The following MSH4 variants were observed in gnomAD, a reference collection of about 807,000 sequenced individuals.
The protein encoded by MSH4 is mutS homolog 4.
A neutral mutation model predicts 113.7 loss-of-function variants in MSH4; 106 were observed. That is an observed-to-expected ratio of 0.93 (90% confidence interval 0.80 to 1.10). The LOEUF is 1.10. Among genes scored for constraint, MSH4 ranks in the 50% least tolerant of loss-of-function variants. MSH4 has a pLI of 0.00. For synonymous variants in MSH4, 368 were observed against 380.2 expected (o/e 0.97, Z 0.37); for missense variants, 1,061 against 1,093.7 (o/e 0.97, Z 0.42).
In MSH4 at chr1:75,838,606, CTT is replaced by C. The variant is rs773122283; in HGVS notation, c.1163-9600_1163-9599del. Among the ~76,000 whole-genome samples the C allele has an allele frequency of 6.6e-5, 10 of 152,250 alleles. No homozygotes were observed. The East Asian group carries it at 9.6e-4, about 15-fold the overall frequency. On this transcript the variant is annotated intron_variant, in intron 7 of 19. Transcript: ENST00000263187. ...CACAACTTTTAGATTAAAATGCAAA[CTT>C]TTCTATATAGCTGTTTTCCTGTAAT...
intron 19 of MSH4, among the ~76,000 whole-genome samples, chr1:75,911,917 A>G (rs958729226): frequency 1.3e-5 from 2 of 152,050 alleles, no homozygotes; most frequent in African/African-American, 4.8e-5. Flanking sequence ...AAAAATGCTG[A>G]TTTCTCTATC....
chr1:75,896,935 T>G (rs5745534), intron 17 of MSH4, among the ~76,000 whole-genome samples: 2,145 of 152,276 alleles, frequency 0.014, 50 homozygotes, highest in African/African-American at 0.048. Flanking sequence ...TTTGATTTGT[T>G]GAGTAGGTAT....
intron 12 of MSH4, 100 bp from the exon 13 acceptor site, chr1:75,879,950 A>G (rs1335271513): frequency 1.5e-6 from 1 of 645,290 alleles, no homozygotes; most frequent in Non-Finnish European, 2.7e-6. Context: ...CTCAAAGAGT[A>G]AAATGATTAA....
At chr1:75,799,809 T>G (rs1649896306) in intron 1 of MSH4, among the ~76,000 whole-genome samples, 1 of 152,122 alleles carries the variant, frequency 6.6e-6, no homozygotes, top group Non-Finnish European at 1.5e-5. Flanking sequence ...GGTAGTAGTA[T>G]TTTCTGATTC....
At chr1:75,801,019 G>A (rs1326876388) in intron 1 of MSH4, among the ~76,000 whole-genome samples, 1 of 152,146 alleles carries the variant, frequency 6.6e-6, no homozygotes, top group African/African-American at 2.4e-5. Flanking sequence ...AACAATGCAG[G>A]TATAGAGCTG....
chr1:75,825,298 T>G (rs1379403257), intron 7 of MSH4, among the ~76,000 whole-genome samples: 1 of 152,172 alleles, frequency 6.6e-6, no homozygotes, highest in African/African-American at 2.4e-5. Context: ...GCTTGTGATT[T>G]TTGCACATTA....
intron 9 of MSH4, among the ~76,000 whole-genome samples, chr1:75,875,568 C>T (rs1435520045): frequency 1.3e-5 from 2 of 152,250 alleles, no homozygotes; most frequent in East Asian, 3.9e-4. Flanking sequence ...AAAATGCCTC[C>T]GTATCCTTAG....
In MSH4 at chr1:75,803,932, T is replaced by G. The variant is rs756674737; in HGVS notation, c.427+19T>G. The G allele has an allele frequency of 6.9e-7, 1 of 1,442,764 alleles. No homozygotes were observed. The highest frequency in any genetic ancestry group is 9.2e-7 in the Non-Finnish European group (1 of 1,090,186). 89.4% of individuals were successfully genotyped at this position (1,442,764 alleles called of 1,614,324 possible). A position where few individuals can be genotyped will look rare whatever the true frequency, so the allele number is the denominator to read the frequency against. ...TATTCAGGTAAAATAAGTGGAAGAT[T>G]AACCTAGATGATGTTTTGAAACTTA... On this transcript the variant is annotated intron_variant, in intron 2 of 19. Transcript: ENST00000263187.
intron 7 of MSH4, 27 bp from the exon 8 acceptor site, chr1:75,848,182 A>G (rs1651114813): frequency 2.0e-6 from 3 of 1,482,384 alleles, no homozygotes; most frequent in Non-Finnish European, 1.9e-6. Context: ...TAAAGTTTAA[A>G]TACTCACATT....
intron 18 of MSH4, among the ~76,000 whole-genome samples, chr1:75,898,490 A>C (rs1652432465): frequency 6.6e-6 from 1 of 151,104 alleles, no homozygotes; most frequent in African/African-American, 2.4e-5. Context: ...AAAATCTTAA[A>C]TCTTAAAAGA....
intron 19 of MSH4, among the ~76,000 whole-genome samples, chr1:75,904,521 C>CT (rs113449051): frequency 0.42 from 62,582 of 147,964 alleles, 13,417 homozygotes; most frequent in African/African-American, 0.49. Flanking sequence ...CTTTTTCTTT[C>CT]TTTTTTTTTT....
chr1:75,884,416 G>T (rs1214367326), intron 15 of MSH4, among the ~76,000 whole-genome samples: 1 of 152,038 alleles, frequency 6.6e-6, no homozygotes, highest in Non-Finnish European at 1.5e-5. Flanking sequence ...GTTTCCTTGA[G>T]AACTATATGA....
chr1:75,852,977 T>C (rs566676272), intron 8 of MSH4, among the ~76,000 whole-genome samples: 1 of 152,212 alleles, frequency 6.6e-6, no homozygotes, highest in South Asian at 2.1e-4. Flanking sequence ...AAAATTATTA[T>C]GAAAATTATT....
chr1:75,882,870 G>A (rs5745481), intron 14 of MSH4, among the ~76,000 whole-genome samples: 3 of 151,884 alleles, frequency 2.0e-5, no homozygotes, highest in African/African-American at 4.8e-5. Flanking sequence ...AATGCTAAGC[G>A]TACCAAATTT....
chr1:75,826,750 T>G (rs1650563594), intron 7 of MSH4, among the ~76,000 whole-genome samples: 1 of 152,216 alleles, frequency 6.6e-6, no homozygotes, highest in South Asian at 2.1e-4. Context: ...GGTTGTTTAC[T>G]TTCCATGCAG....
chr1:75,887,149 T>G (rs2100579863), intron 15 of MSH4, among the ~76,000 whole-genome samples: 1 of 152,112 alleles, frequency 6.6e-6, no homozygotes, highest in East Asian at 1.9e-4. Flanking sequence ...TAATCCCACG[T>G]GTCAAGGGAG....
In MSH4 at chr1:75,816,379, C is replaced by G; in HGVS notation, c.822C>G (p.Tyr274Ter). The G allele has an allele frequency of 6.3e-7, 1 of 1,597,502 alleles. No individual in the cohort carries two copies. Among genetic ancestry groups the G allele is most frequent in the Non-Finnish European group, 8.5e-7 (1 of 1,170,012 alleles). The change falls in exon 6 of 20, where the codon TAC becomes TAG. Residue 274 changes from tyrosine (Y) to a stop codon, truncating the protein, a stop_gained. Coordinates refer to ENST00000263187, the MANE Select transcript of MSH4 (RefSeq NM_002440.4). LOFTEE classifies it high-confidence loss of function. ...TVLMEVQSKYYCLAAVAALLK... is the reference protein window; with the variant it reads ...TVLMEVQSKY Reference sequence around the variant, plus strand: ...ATTATTGGTCATCTTTTAGGTATTACTGCCTTGCAGCTGTTGCAGCTTTGT... The same window carrying G: ...ATTATTGGTCATCTTTTAGGTATTAGTGCCTTGCAGCTGTTGCAGCTTTGT...
chr1:75,907,899 G>A (rs553336674), intron 19 of MSH4, among the ~76,000 whole-genome samples: 3 of 149,556 alleles, frequency 2.0e-5, no homozygotes, highest in African/African-American at 4.9e-5. Context: ...TTAGTGAGAC[G>A]GGGTTTCACC....
At chr1:75,856,779 T>G (rs1043414766) in intron 8 of MSH4, among the ~76,000 whole-genome samples, 1 of 152,210 alleles carries the variant, frequency 6.6e-6, no homozygotes, top group Non-Finnish European at 1.5e-5. Context: ...GTAGAATGAT[T>G]TATAATCTTT....
Sources: allele counts gnomAD v4.1 joint callset (sites outside exome capture counted in the v4.1 genomes callset), GRCh38; gene constraint gnomAD v4.1.1; transcripts MANE v1.5; gene names NCBI Gene and HGNC (gene_info 2026-07-23, HGNC 2026-07-21).